Variants in NRXN1 observed in about 807,000 individuals in gnomAD.
The protein encoded by NRXN1 is neurexin 1, also known as neurexin-1.
NRXN1 carries 39 observed loss-of-function variants against 150.9 expected under a neutral mutation model. The observed-to-expected ratio is 0.26, with a 90% confidence interval of 0.20 to 0.34. NRXN1 has a LOEUF of 0.34. Among genes scored for constraint, NRXN1 ranks in the 10% least tolerant of loss-of-function variants. NRXN1 has a pLI of 1.00. For synonymous variants in NRXN1, 924 were observed against 757.0 expected (o/e 1.22, Z -3.62); for missense variants, 1,815 against 1,949.9 (o/e 0.93, Z 1.30).
rs78369175 is a variant in NRXN1, at chr2:50,048,794, A to T, written c.4128+4477T>A. ...GTTCCTTTCCTTGAGTAGGTTTGCT[A>T]ACTCTACCCTGAAAAAATGCCTAAC... is the stretch of plus-strand genomic sequence containing the variant. On this transcript the variant is annotated intron_variant, in intron 21 of 22. Transcript: ENST00000401669. Among the ~76,000 whole-genome samples, 1,257 of 152,236 alleles carry T rather than the reference A, an allele frequency of 8.3e-3. 10 individuals carry two copies. The highest frequency in any genetic ancestry group is 0.028 in the African/African-American group (1,153 of 41,550).
chr2:50,387,719 T>C (rs2081418001), intron 17 of NRXN1, among the ~76,000 whole-genome samples: 1 of 152,154 alleles, frequency 6.6e-6, no homozygotes, highest in South Asian at 2.1e-4. Context: ...TCGGGGAATC[T>C]GTGATTGCTC....
intron 18 of NRXN1, among the ~76,000 whole-genome samples, chr2:50,149,470 T>C (rs1188366355): frequency 6.6e-6 from 1 of 151,704 alleles, no homozygotes; most frequent in Non-Finnish European, 1.5e-5. Flanking sequence ...TGATATGGAA[T>C]ACCATATCAT....
At chr2:50,863,549 T>A (rs1468342756) in intron 5 of NRXN1, among the ~76,000 whole-genome samples, 1 of 151,690 alleles carries the variant, frequency 6.6e-6, no homozygotes, top group East Asian at 1.9e-4. Flanking sequence ...CTTCACCAGG[T>A]ATCAGCACAC....
chr2:50,226,552 C>A (rs1255833012), intron 18 of NRXN1, among the ~76,000 whole-genome samples: 1 of 151,790 alleles, frequency 6.6e-6, no homozygotes, highest in Non-Finnish European at 1.5e-5. Flanking sequence ...TTGTTAAGAA[C>A]ATGTATTAAA....
chr2:50,970,288 A>G (rs1013772505), intron 2 of NRXN1, among the ~76,000 whole-genome samples: 1 of 152,082 alleles, frequency 6.6e-6, no homozygotes, highest in Non-Finnish European at 1.5e-5. Context: ...GAGAGAAAAG[A>G]GGGCAGGAGG....
At chr2:50,398,495 T>A (rs2082188462) in intron 17 of NRXN1, among the ~76,000 whole-genome samples, 1 of 152,080 alleles carries the variant, frequency 6.6e-6, no homozygotes, top group Non-Finnish European at 1.5e-5. Flanking sequence ...AAAAAAACAG[T>A]ATTGTGGAAA....
At chr2:50,615,054 T>C (rs762967235) in intron 8 of NRXN1, among the ~76,000 whole-genome samples, 26 of 152,132 alleles carry the variant, frequency 1.7e-4, no homozygotes, top group African/African-American at 5.3e-4. Context: ...TTACAAAAGA[T>C]AGGATATTTT....
intron 21 of NRXN1, among the ~76,000 whole-genome samples, chr2:49,962,723 A>G (rs930424453): frequency 6.6e-6 from 1 of 152,108 alleles, no homozygotes; most frequent in Non-Finnish European, 1.5e-5. Flanking sequence ...TAGAGGCCGG[A>G]CACGGTGGCT....
intron 18 of NRXN1, among the ~76,000 whole-genome samples, chr2:50,212,748 G>A (rs968580444): frequency 6.6e-6 from 1 of 151,828 alleles, no homozygotes; most frequent in African/African-American, 2.4e-5. Flanking sequence ...GGAATAAGAT[G>A]CCTTTGTCAA....
intron 21 of NRXN1, among the ~76,000 whole-genome samples, chr2:49,979,577 T>G (rs1183754266): frequency 6.6e-6 from 1 of 152,170 alleles, no homozygotes; most frequent in African/African-American, 2.4e-5. Flanking sequence ...ACAGTCATGA[T>G]GAATAGGATG....
chr2:50,809,552 A>G (rs1667943542), intron 5 of NRXN1, among the ~76,000 whole-genome samples: 1 of 152,130 alleles, frequency 6.6e-6, no homozygotes, highest in African/African-American at 2.4e-5. Context: ...GCAGAGGTTT[A>G]GTATTTTTGA....
At chr2:50,819,253 C>G (rs531435314) in intron 5 of NRXN1, among the ~76,000 whole-genome samples, 1 of 152,234 alleles carries the variant, frequency 6.6e-6, no homozygotes, top group South Asian at 2.1e-4. Context: ...CAGCATTACT[C>G]GCAATAGCCA....
At chr2:50,914,158 G>A (rs578093715) in intron 5 of NRXN1, among the ~76,000 whole-genome samples, 174 of 151,738 alleles carry the variant, frequency 1.1e-3, no homozygotes, top group African/African-American at 4.1e-3. Flanking sequence ...TAGGACAGCC[G>A]GCTGTGGACC....
chr2:50,854,472 C>T (rs1422241464), intron 5 of NRXN1, among the ~76,000 whole-genome samples: 2 of 152,066 alleles, frequency 1.3e-5, no homozygotes, highest in Non-Finnish European at 2.9e-5. Flanking sequence ...AAGTACATTC[C>T]GTAGAGTACA....
chr2:49,942,745 G>T (rs1672219810), intron 22 of NRXN1, among the ~76,000 whole-genome samples: 1 of 152,046 alleles, frequency 6.6e-6, no homozygotes, highest in South Asian at 2.1e-4. Context: ...GAGTAGCTGG[G>T]ATTACAGGTG....
At chr2:50,413,575 A>G (rs892876144) in intron 17 of NRXN1, among the ~76,000 whole-genome samples, 3 of 152,176 alleles carry the variant, frequency 2.0e-5, no homozygotes, top group African/African-American at 7.2e-5. Flanking sequence ...CCTTGTACAC[A>G]GTTGGTGGGA....
chr2:50,544,095 A>G (rs763266897), intron 9 of NRXN1, among the ~76,000 whole-genome samples: 1 of 152,106 alleles, frequency 6.6e-6, no homozygotes, highest in Non-Finnish European at 1.5e-5. Flanking sequence ...TGTTTAAATT[A>G]ATGTCAATTT....
At chr2:50,220,005 A>T (rs1470203665) in intron 18 of NRXN1, among the ~76,000 whole-genome samples, 18 of 37,136 alleles carry the variant, frequency 4.8e-4, no homozygotes, top group African/African-American at 2.5e-3. Flanking sequence ...TATATATTAT[A>T]TAATATATTA....
intron 5 of NRXN1, among the ~76,000 whole-genome samples, chr2:50,643,210 CAA>C (rs1684316539): frequency 6.6e-6 from 1 of 151,888 alleles, no homozygotes. Flanking sequence ...TCCAGAATCA[CAA>C]GAGACAAACT....
Sources: gnomAD v4.1 joint callset for allele counts (sites outside exome capture counted in the v4.1 genomes callset) on GRCh38, gnomAD v4.1.1 for gene constraint, MANE v1.5 for transcripts, NCBI Gene and HGNC (gene_info 2026-07-23, HGNC 2026-07-21) for gene names.